LCLAT1: variants seen among roughly 807,000 people sequenced by gnomAD.
LCLAT1 encodes lysocardiolipin acyltransferase 1, also known as 1-AGP acyltransferase 8.
LCLAT1 carries 11 observed loss-of-function variants against 30.7 expected under a neutral mutation model. That is an observed-to-expected ratio of 0.36 (90% CI 0.23 to 0.59). The LOEUF is 0.59. LCLAT1 is among the 20% of genes least tolerant of loss of function. LCLAT1 has a pLI of 0.77. For synonymous variants in LCLAT1, 155 were observed against 151.3 expected (o/e 1.02, Z -0.18); for missense variants, 402 against 458.6 (o/e 0.88, Z 1.13).
Position 30,572,858 on chromosome 2 carries a change from T to C in LCLAT1, c.628+4682T>C, listed in dbSNP as rs190055989. ...CCTGCCTTTACCAGTTCCTCCTCCATTTCTCTAATCTTTAAAAAAAAATGA... is the reference window on the plus strand; with the variant it reads ...CCTGCCTTTACCAGTTCCTCCTCCACTTCTCTAATCTTTAAAAAAAAATGA... On this transcript the variant is annotated intron_variant, in intron 5 of 5. Coordinates refer to ENST00000379509, the MANE Select transcript of LCLAT1 (RefSeq NM_001002257.3). 7.2e-5 allele frequency among the ~76,000 whole-genome samples: 11 copies of C among 152,212 alleles called. No individual in the cohort carries two copies. In the East Asian group the frequency reaches 2.1e-3, roughly 29 times the overall value.
At chr2:30,578,154 A>T (rs1453485030) in intron 5 of LCLAT1, among the ~76,000 whole-genome samples, 1 of 152,120 alleles carries the variant, frequency 6.6e-6, no homozygotes, top group East Asian at 1.9e-4. Context: ...AGTGCTTTGG[A>T]TTAATTTTGC....
intron 3 of LCLAT1, among the ~76,000 whole-genome samples, 186 bp downstream of exon 3, chr2:30,533,500 A>G (rs1227150858): frequency 6.6e-6 from 1 of 152,242 alleles, no homozygotes; most frequent in Non-Finnish European, 1.5e-5. Context: ...GTTTTTAAAA[A>G]ATATTACTCT....
intron 1 of LCLAT1, among the ~76,000 whole-genome samples, chr2:30,513,583 A>G (rs1312788375): frequency 2.6e-5 from 4 of 152,056 alleles, no homozygotes; most frequent in African/African-American, 7.2e-5. Flanking sequence ...AACTCTCTGC[A>G]GTTTTGGATT....
chr2:30,579,883 GT>G (rs1320974599), intron 5 of LCLAT1, among the ~76,000 whole-genome samples: 1 of 152,034 alleles, frequency 6.6e-6, no homozygotes, highest in Non-Finnish European at 1.5e-5. Flanking sequence ...TTCCTAAGCA[GT>G]TTACTACTTG....
At chr2:30,596,432 A>C (rs1187099490) in intron 5 of LCLAT1, among the ~76,000 whole-genome samples, 1 of 151,498 alleles carries the variant, frequency 6.6e-6, no homozygotes, top group Admixed American at 6.6e-5. Context: ...TAGCCATATA[A>C]ATGTCTTCTT....
At chr2:30,463,682 T>C (rs1188073432) in intron 1 of LCLAT1, among the ~76,000 whole-genome samples, 3 of 152,240 alleles carry the variant, frequency 2.0e-5, no homozygotes, top group Admixed American at 1.3e-4. Flanking sequence ...TAAAGTATTT[T>C]GGAGGATGTG....
At position 30,499,088 on chromosome 2, in the gene LCLAT1, C is replaced by T. The variant is rs76133552; in HGVS notation, c.-4-26499C>T. On this transcript the variant is annotated intron_variant, in intron 1 of 5. Coordinates refer to ENST00000379509, the MANE Select transcript of LCLAT1 (RefSeq NM_001002257.3). ...AAGGGTTTAGTTGGGCCACTGATTT[C>T]GGATGATATTCTTTAACACCTTTAA... is the stretch of plus-strand genomic sequence containing the variant. 9.8e-3 allele frequency among the ~76,000 whole-genome samples: 1,486 copies of T among 152,244 alleles called. 24 individuals carry two copies. Among genetic ancestry groups the T allele is most frequent in the African/African-American group, 0.034 (1,392 of 41,540 alleles).
intron 5 of LCLAT1, chr2:30,606,165 C>G: frequency 2.1e-6 from 1 of 467,498 alleles, no homozygotes; most frequent in South Asian, 2.0e-5. Flanking sequence ...CCATACTGCC[C>G]AAAGCAATTT....
At chr2:30,600,633 C>G (rs1306946559) in intron 5 of LCLAT1, among the ~76,000 whole-genome samples, 5 of 141,872 alleles carry the variant, frequency 3.5e-5, no homozygotes, top group Non-Finnish European at 7.8e-5. Context: ...TCTCTTCTGG[C>G]TTGTAGGGTT....
chr2:30,565,300 T>C (rs555700705), intron 4 of LCLAT1, among the ~76,000 whole-genome samples: 1 of 152,182 alleles, frequency 6.6e-6, no homozygotes, highest in Non-Finnish European at 1.5e-5. Flanking sequence ...GGCAGAATTC[T>C]TTCTTCCTTG....
At chr2:30,457,248 G>A (rs535783635) in intron 1 of LCLAT1, among the ~76,000 whole-genome samples, 2 of 152,122 alleles carry the variant, frequency 1.3e-5, no homozygotes, top group African/African-American at 4.8e-5. Context: ...TTCTTTAGTG[G>A]TTGTCAGAGA....
chr2:30,464,478 C>G (rs1682321170), intron 1 of LCLAT1, among the ~76,000 whole-genome samples: 1 of 152,068 alleles, frequency 6.6e-6, no homozygotes, highest in Non-Finnish European at 1.5e-5. Context: ...TATTATTACC[C>G]AACTCTATAA....
chr2:30,595,223 G>T (rs1342393815), intron 5 of LCLAT1, among the ~76,000 whole-genome samples: 2 of 152,022 alleles, frequency 1.3e-5, no homozygotes, highest in Non-Finnish European at 2.9e-5. Flanking sequence ...GTTATTACTG[G>T]TTTAAAGCAG....
intron 5 of LCLAT1, among the ~76,000 whole-genome samples, chr2:30,587,419 G>C (rs1331426933): frequency 6.6e-6 from 1 of 152,028 alleles, no homozygotes. Flanking sequence ...ATTTGTTATT[G>C]TTAAATTTCT....
At chr2:30,588,956 C>G (rs1213719872) in intron 5 of LCLAT1, among the ~76,000 whole-genome samples, 1 of 152,090 alleles carries the variant, frequency 6.6e-6, no homozygotes, top group Non-Finnish European at 1.5e-5. Flanking sequence ...ACAATGAAAT[C>G]CAGTCAAATA....
At chr2:30,477,673 T>G (rs1398546641) in intron 1 of LCLAT1, among the ~76,000 whole-genome samples, 1 of 152,178 alleles carries the variant, frequency 6.6e-6, no homozygotes, top group African/African-American at 2.4e-5. Context: ...CCATTTAGGC[T>G]ATCCCTGAGT....
chr2:30,462,248 G>A (rs1326129904), intron 1 of LCLAT1, among the ~76,000 whole-genome samples: 1 of 152,156 alleles, frequency 6.6e-6, no homozygotes, highest in African/African-American at 2.4e-5. Context: ...CACCTATTGT[G>A]TTTCTTGGAT....
At chr2:30,632,585 A>T (rs1425469463) in intron 5 of LCLAT1, among the ~76,000 whole-genome samples, 1 of 152,252 alleles carries the variant, frequency 6.6e-6, no homozygotes, top group Non-Finnish European at 1.5e-5. Context: ...TAGCAACCTA[A>T]ATCTAAATTC....
chr2:30,499,252 C>G (rs1472390047), intron 1 of LCLAT1, among the ~76,000 whole-genome samples: 1 of 152,110 alleles, frequency 6.6e-6, no homozygotes, highest in Non-Finnish European at 1.5e-5. Context: ...CAGTCTCAGC[C>G]CGCTGCAAAC....
Sources: allele counts gnomAD v4.1 joint callset (sites outside exome capture counted in the v4.1 genomes callset), GRCh38; gene constraint gnomAD v4.1.1; transcripts MANE v1.5; gene names NCBI Gene and HGNC (gene_info 2026-07-23, HGNC 2026-07-21).